Variants in TBC1D22A observed in about 807,000 individuals in gnomAD.
TBC1D22A encodes TBC1 domain family member 22A.
TBC1D22A carries 38 observed loss-of-function variants against 60.2 expected under a neutral mutation model. That is an observed-to-expected ratio of 0.63 (90% CI 0.49 to 0.83). The LOEUF is 0.83. TBC1D22A is among the 40% of genes least tolerant of loss of function. TBC1D22A has a pLI of 0.00. For missense variants in TBC1D22A, 628 were observed against 701.0 expected (o/e 0.90, Z 1.18); for synonymous variants, 302 against 281.7 (o/e 1.07, Z -0.72).
chr22:46,797,391 G>GTGTAGT, intron 3 of TBC1D22A, 53 bp from the exon 4 acceptor site: 1 of 1,595,416 alleles, frequency 6.3e-7, no homozygotes, highest in Non-Finnish European at 8.6e-7. Context: ...AAGGAGGAAC[G>GTGTAGT]TGTAGTCGGG....
chr22:46,879,398 T>C (rs1203301107), intron 5 of TBC1D22A, among the ~76,000 whole-genome samples: 1 of 152,192 alleles, frequency 6.6e-6, no homozygotes, highest in Non-Finnish European at 1.5e-5. Flanking sequence ...CAGAATTGTT[T>C]ATAGACAGTT....
At chr22:47,084,917 C>T (rs545807849) in intron 11 of TBC1D22A, among the ~76,000 whole-genome samples, 2 of 152,318 alleles carry the variant, frequency 1.3e-5, no homozygotes, top group Admixed American at 1.3e-4. Flanking sequence ...GGTTCATTTT[C>T]TCCTTAAACA....
At chr22:47,058,823 G>A (rs1165431923) in intron 11 of TBC1D22A, among the ~76,000 whole-genome samples, 1 of 152,074 alleles carries the variant, frequency 6.6e-6, no homozygotes, top group African/African-American at 2.4e-5. Flanking sequence ...GTTGAATAAG[G>A]TGGCATAAGT....
At chr22:46,857,847 T>C (rs536904671) in intron 4 of TBC1D22A, among the ~76,000 whole-genome samples, 135 of 152,358 alleles carry the variant, frequency 8.9e-4, no homozygotes, top group African/African-American at 3.0e-3. Context: ...TTCCATTGAA[T>C]GGATGTGCTG....
intron 1 of TBC1D22A, among the ~76,000 whole-genome samples, chr22:46,778,302 T>G (rs1459364520): frequency 3.9e-5 from 6 of 152,192 alleles, no homozygotes; most frequent in Non-Finnish European, 8.8e-5. Flanking sequence ...TTGCTGTGAC[T>G]TTTAAACTTC....
intron 10 of TBC1D22A, among the ~76,000 whole-genome samples, chr22:47,021,453 C>A (rs370922243): frequency 1.9e-4 from 23 of 120,828 alleles, no homozygotes; most frequent in African/African-American, 3.2e-4. Flanking sequence ...CCTCACCTGT[C>A]GCCTGGAGCC....
chr22:47,109,628 C>A (rs2065771897), intron 11 of TBC1D22A, among the ~76,000 whole-genome samples: 1 of 152,276 alleles, frequency 6.6e-6, no homozygotes, highest in South Asian at 2.1e-4. Flanking sequence ...TAACTCATGG[C>A]CTTCCCACCA....
intron 12 of TBC1D22A, among the ~76,000 whole-genome samples, chr22:47,130,792 C>T (rs951640662): frequency 2.0e-5 from 3 of 152,186 alleles, no homozygotes; most frequent in African/African-American, 4.8e-5. Flanking sequence ...TATTTGTTTC[C>T]GGAGTACCTA....
chr22:47,069,449 T>G (rs1014150948), intron 11 of TBC1D22A, among the ~76,000 whole-genome samples: 1 of 152,218 alleles, frequency 6.6e-6, no homozygotes, highest in Non-Finnish European at 1.5e-5. Context: ...GTCCTCTCGG[T>G]GAGGCCTCGG....
intron 8 of TBC1D22A, among the ~76,000 whole-genome samples, chr22:46,922,801 T>C (rs887337362): frequency 1.3e-5 from 2 of 152,242 alleles, no homozygotes; most frequent in Non-Finnish European, 2.9e-5. Context: ...AAAATTTTAC[T>C]GAAGCTATCA....
chr22:46,819,149 T>G (rs1038783730), intron 4 of TBC1D22A, among the ~76,000 whole-genome samples: 1 of 152,190 alleles, frequency 6.6e-6, no homozygotes, highest in African/African-American at 2.4e-5. Flanking sequence ...CTGATGGGGT[T>G]TTCTAAATAT....
intron 10 of TBC1D22A, among the ~76,000 whole-genome samples, chr22:47,022,077 G>T (rs2062108180): frequency 6.6e-6 from 1 of 152,204 alleles, no homozygotes; most frequent in Non-Finnish European, 1.5e-5. Flanking sequence ...CAGCCCCACA[G>T]TTCATTTACA....
intron 4 of TBC1D22A, among the ~76,000 whole-genome samples, chr22:46,817,421 A>G (rs139585): frequency 0.41 from 62,812 of 151,670 alleles, 13,211 homozygotes; most frequent in African/African-American, 0.5. Flanking sequence ...CCGCCCACCA[A>G]CGGGTGCTGG....
At position 47,051,842 on chromosome 22, in the gene TBC1D22A, G is replaced by A. The variant is rs183682396; in HGVS notation, c.1329+14644G>A. On this transcript the variant is annotated intron_variant, in intron 11 of 12. Transcript: ENST00000337137. ...ACTCCTTCTCTGCTTTGTATTCAGG[G>A]ATTCAGTTTGTTTCAGCGGTGCTCT... Among the ~76,000 whole-genome samples, 15 of 152,314 alleles carry A rather than the reference G, an allele frequency of 9.8e-5. No homozygotes were observed. In the Middle Eastern group the frequency reaches 0.014, roughly 138 times the overall value.
intron 8 of TBC1D22A, among the ~76,000 whole-genome samples, chr22:46,941,816 A>G (rs1183340400): frequency 9.9e-6 from 1 of 101,158 alleles, no homozygotes; most frequent in Non-Finnish European, 2.2e-5. Flanking sequence ...TATAGAATAT[A>G]TATAGAATAT....
intron 4 of TBC1D22A, among the ~76,000 whole-genome samples, chr22:46,808,570 A>G (rs888085922): frequency 1.3e-4 from 20 of 151,904 alleles, no homozygotes; most frequent in Non-Finnish European, 2.6e-4. Context: ...AAATGTAGTC[A>G]GGTAAGGCTT....
At chr22:46,985,744 G>A (rs2074698635) in intron 9 of TBC1D22A, among the ~76,000 whole-genome samples, 5 of 152,096 alleles carry the variant, frequency 3.3e-5, no homozygotes, top group Admixed American at 3.3e-4. Flanking sequence ...TCTTCTAGTG[G>A]CCTGTTAAGT....
chr22:46,916,401 G>A (rs2070371763), intron 8 of TBC1D22A, among the ~76,000 whole-genome samples: 1 of 152,224 alleles, frequency 6.6e-6, no homozygotes, highest in Admixed American at 6.5e-5. Flanking sequence ...GGAATACATG[G>A]TATGCATCCC....
At chr22:46,913,835 G>A in intron 8 of TBC1D22A, 1 of 875,842 alleles carries the variant, frequency 1.1e-6, no homozygotes, top group African/African-American at 1.8e-5. Context: ...GATTCTTAAT[G>A]CATTTGCCTG....
Sources: allele counts gnomAD v4.1 joint callset (sites outside exome capture counted in the v4.1 genomes callset), GRCh38; gene constraint gnomAD v4.1.1; transcripts MANE v1.5; gene names NCBI Gene and HGNC (gene_info 2026-07-23, HGNC 2026-07-21).